Variants in THADA observed in about 807,000 individuals in gnomAD.
THADA encodes the protein THADA armadillo repeat containing.
In THADA, 213 loss-of-function variants were observed where a neutral mutation model predicts 219.8. The observed-to-expected ratio is 0.97, with a 90% CI of 0.87 to 1.09. The LOEUF is 1.09. Among genes scored for constraint, THADA ranks in the 50% least tolerant of loss-of-function variants. THADA has a pLI of 0.00. For missense variants in THADA, 2,956 were observed against 2,311.3 expected (o/e 1.28, Z -5.72); for synonymous variants, 1,018 against 828.9 (o/e 1.23, Z -3.92).
Position 43,232,832 on chromosome 2 carries a change from C to G in THADA, c.5347G>C (p.Ala1783Pro). 6.2e-7 allele frequency: 1 copy of G among 1,612,236 alleles called. No homozygotes were observed. The change falls in exon 37 of 38, where the codon GCC (alanine) becomes CCC (proline). Residue 1783 changes from alanine (A) to proline (P), a missense_variant. Physicochemically the swap from Ala to Pro is conservative, Grantham distance 27 (BLOSUM62 -1). Transcript: ENST00000405975. ...DASIALALAL[A>P]VLCDLLQQWD... ...TGCTGGAGCAGATCACACAGGACGG[C>G]CAGGGCCAGGGCCAGAGCGATGGAG...
intron 36 of THADA, among the ~76,000 whole-genome samples, chr2:43,268,316 G>T (rs528048221): frequency 6.6e-6 from 1 of 152,250 alleles, no homozygotes; most frequent in East Asian, 1.9e-4. Flanking sequence ...CCAAACTGGG[G>T]CTGTGTACTC....
chr2:43,332,217 C>G (rs1023728121), intron 30 of THADA, among the ~76,000 whole-genome samples: 1 of 152,220 alleles, frequency 6.6e-6, no homozygotes, highest in East Asian at 1.9e-4. Context: ...TCCCAAGAAG[C>G]TGGGATTACA....
intron 30 of THADA, among the ~76,000 whole-genome samples, chr2:43,331,285 T>A (rs1461516449): frequency 3.3e-5 from 5 of 152,172 alleles, no homozygotes; most frequent in African/African-American, 1.2e-4. Context: ...CATACAGATA[T>A]CTCTATTCCT....
At chr2:43,491,143 C>G (rs1175658123) in intron 25 of THADA, among the ~76,000 whole-genome samples, 1 of 152,128 alleles carries the variant, frequency 6.6e-6, no homozygotes, top group Non-Finnish European at 1.5e-5. Context: ...TTCCCATCCA[C>G]TATAAATAAA....
intron 29 of THADA, among the ~76,000 whole-genome samples, chr2:43,387,627 G>T (rs1672851150): frequency 6.6e-6 from 1 of 151,996 alleles, no homozygotes; most frequent in Non-Finnish European, 1.5e-5. Flanking sequence ...TGGAACAAAG[G>T]TTCTCAACTA....
chr2:43,494,581 C>T (rs1013693289), intron 25 of THADA, among the ~76,000 whole-genome samples: 1 of 152,158 alleles, frequency 6.6e-6, no homozygotes, highest in Non-Finnish European at 1.5e-5. Flanking sequence ...TTGTTTTCTT[C>T]ATCTGTAAAA....
At chr2:43,285,031 T>A (rs1033145315) in intron 35 of THADA, among the ~76,000 whole-genome samples, 9 of 152,202 alleles carry the variant, frequency 5.9e-5, no homozygotes, top group African/African-American at 1.9e-4. Context: ...TGTACCCCCA[T>A]TGTATCTTGG....
intron 29 of THADA, among the ~76,000 whole-genome samples, chr2:43,364,745 A>C (rs949059495): frequency 2.0e-5 from 3 of 152,236 alleles, no homozygotes; most frequent in African/African-American, 7.2e-5. Flanking sequence ...GCACATATCA[A>C]GGCCCTAGGG....
intron 1 of THADA, chr2:43,592,699 A>G (rs574110499): frequency 7.4e-5 from 17 of 229,642 alleles, no homozygotes; most frequent in Non-Finnish European, 5.8e-5. Flanking sequence ...AAATGTTTTA[A>G]GCTGAAGCTT....
chr2:43,331,280 A>G (rs939391172), intron 30 of THADA, among the ~76,000 whole-genome samples: 1 of 152,246 alleles, frequency 6.6e-6, no homozygotes, highest in African/African-American at 2.4e-5. Context: ...AAGTGCATAC[A>G]GATATCTCTA....
chr2:43,407,453 T>C (rs1675701499), intron 28 of THADA, among the ~76,000 whole-genome samples: 1 of 152,212 alleles, frequency 6.6e-6, no homozygotes, highest in South Asian at 2.1e-4. Context: ...TATTCTGGTA[T>C]TCAAAGTACT....
At chr2:43,410,447 G>C (rs1017070781) in intron 28 of THADA, among the ~76,000 whole-genome samples, 1 of 152,144 alleles carries the variant, frequency 6.6e-6, no homozygotes, top group Non-Finnish European at 1.5e-5. Context: ...ATTGTTCCTA[G>C]CAAGTTATTT....
chr2:43,472,129 G>A (rs1030366173), intron 26 of THADA, among the ~76,000 whole-genome samples: 4 of 152,204 alleles, frequency 2.6e-5, no homozygotes, highest in African/African-American at 9.6e-5. Flanking sequence ...CATAAAAAAT[G>A]CCATGGATGT....
chr2:43,389,386 G>A (rs1673079604), intron 29 of THADA, among the ~76,000 whole-genome samples: 1 of 152,218 alleles, frequency 6.6e-6, no homozygotes, highest in Admixed American at 6.5e-5. Context: ...TCTGGAGGCT[G>A]AGGCAGGGGG....
Position 43,320,533 on chromosome 2 carries a change from G to C in THADA, c.4351C>G (p.Pro1451Ala), listed in dbSNP as rs17334247. 2 of 1,611,394 alleles carry C rather than the reference G, an allele frequency of 1.2e-6. No homozygotes were observed. Among genetic ancestry groups the C allele is most frequent in the Non-Finnish European group, 1.7e-6 (2 of 1,178,882 alleles). Residue 1451 changes from proline to alanine, a missense_variant, in exon 31 of 38, where the codon CCA (proline) becomes GCA (alanine). Physicochemically the swap from Pro to Ala is conservative, Grantham distance 27 (BLOSUM62 -1). Coordinates refer to ENST00000405975, the MANE Select transcript of THADA (RefSeq NM_022065.5). ...TATACAGCTCTGGTCACCAAACATG[G>C]ATTTTGCCTAGAAAGGTAAAGAACA... ...AKLWLAKRQN[P>A]CLVTRAVYID...
intron 30 of THADA, among the ~76,000 whole-genome samples, chr2:43,323,961 A>G (rs1679039605): frequency 6.6e-6 from 1 of 152,166 alleles, no homozygotes; most frequent in Non-Finnish European, 1.5e-5. Context: ...AAACAAGAGG[A>G]AGGCTGGTCA....
At chr2:43,303,383 G>A (rs1456155391) in intron 31 of THADA, among the ~76,000 whole-genome samples, 4 of 152,114 alleles carry the variant, frequency 2.6e-5, no homozygotes, top group Admixed American at 2.6e-4. Context: ...AATTTTGACA[G>A]GCTGCTGAAA....
chr2:43,444,997 C>T (rs552089207), intron 26 of THADA, among the ~76,000 whole-genome samples: 1 of 152,272 alleles, frequency 6.6e-6, no homozygotes, highest in Non-Finnish European at 1.5e-5. Context: ...AAAACAAATG[C>T]TGAAGGCCAA....
At chr2:43,321,308 A>G (rs530195474) in intron 30 of THADA, among the ~76,000 whole-genome samples, 2 of 152,332 alleles carry the variant, frequency 1.3e-5, no homozygotes, top group African/African-American at 2.4e-5. Context: ...CAGACCTACA[A>G]TTGAGTCCTG....
Sources: allele counts gnomAD v4.1 joint callset (sites outside exome capture counted in the v4.1 genomes callset), GRCh38; gene constraint gnomAD v4.1.1; transcripts MANE v1.5; gene names NCBI Gene and HGNC (gene_info 2026-07-23, HGNC 2026-07-21).